LUZP2: variants seen among roughly 807,000 people sequenced by gnomAD.
The protein encoded by LUZP2 is leucine zipper protein 2.
A neutral mutation model predicts 51.6 loss-of-function variants in LUZP2; 52 were observed. That is an observed-to-expected ratio of 1.01 (90% CI 0.81 to 1.27). The LOEUF (loss-of-function observed/expected upper bound fraction) is 1.27, where lower values mean the gene tolerates loss of function less well. LUZP2 is among the 50% of genes most tolerant of loss of function. LUZP2 has a pLI of 0.00. For synonymous variants in LUZP2, 154 were observed against 137.3 expected, an observed-to-expected ratio of 1.12 and a Z score of -0.85; for missense variants, 436 against 395.4, an observed-to-expected ratio of 1.10 and a Z score of -0.87.
chr11:24,559,480 A>C (rs1851968404), intron 1 of LUZP2, among the ~76,000 whole-genome samples: 1 of 152,188 alleles, frequency 6.6e-6, no homozygotes, highest in South Asian at 2.1e-4. Context: ...CCCTTTTATG[A>C]CTACCAATAA....
chr11:25,022,298 T>A (rs1284318458), intron 9 of LUZP2, among the ~76,000 whole-genome samples: 1 of 152,084 alleles, frequency 6.6e-6, no homozygotes, highest in Non-Finnish European at 1.5e-5. Context: ...TCCACCAGAC[T>A]GGGTATTCCA....
chr11:24,751,006 A>G (rs1420765885), intron 4 of LUZP2, among the ~76,000 whole-genome samples: 1 of 152,196 alleles, frequency 6.6e-6, no homozygotes, highest in Non-Finnish European at 1.5e-5. Context: ...CTTACAGCTT[A>G]TCATTCATTC....
At chr11:24,692,120 A>T (rs1857090603) in intron 1 of LUZP2, among the ~76,000 whole-genome samples, 1 of 151,548 alleles carries the variant, frequency 6.6e-6, no homozygotes, top group East Asian at 1.9e-4. Flanking sequence ...ATTTCTTGAT[A>T]TTCACTATCA....
intron 9 of LUZP2, among the ~76,000 whole-genome samples, chr11:25,002,472 C>T (rs773919915): frequency 6.6e-6 from 1 of 152,134 alleles, no homozygotes; most frequent in African/African-American, 2.4e-5. Flanking sequence ...AGGAATAGCA[C>T]CTGGTATCTA....
chr11:24,591,159 T>C (rs555034073), intron 1 of LUZP2, among the ~76,000 whole-genome samples: 1 of 152,262 alleles, frequency 6.6e-6, no homozygotes, highest in African/African-American at 2.4e-5. Flanking sequence ...ACAATATCCT[T>C]AGTTCTTCAT....
intron 3 of LUZP2, among the ~76,000 whole-genome samples, chr11:24,735,519 A>G (rs1192547114): frequency 6.6e-6 from 1 of 151,904 alleles, no homozygotes; most frequent in Non-Finnish European, 1.5e-5. Context: ...GCACTTTACA[A>G]TAATGTTCTC....
rs113568463 is a variant in LUZP2 at position 24,838,795 on chromosome 11, G to A, written c.397-67196G>A. Among the ~76,000 whole-genome samples, 1,084 of 151,732 alleles carry A rather than the reference G, an allele frequency of 7.1e-3. 13 individuals are homozygous for A. The highest frequency in any genetic ancestry group is 0.025 in the African/African-American group (1,022 of 41,496). On this transcript the variant is annotated intron_variant, in intron 5 of 11. Coordinates refer to ENST00000336930, the MANE Select transcript of LUZP2 (RefSeq NM_001009909.4). ...TTGGGACCACTGGCACTTTGAGCAT[G>A]ATGAAAGATCTGGACTCTCTCCTTG...
At chr11:24,623,405 T>C (rs961585293) in intron 1 of LUZP2, among the ~76,000 whole-genome samples, 7 of 152,200 alleles carry the variant, frequency 4.6e-5, no homozygotes, top group African/African-American at 7.2e-5. Flanking sequence ...TTTTTGTCAT[T>C]TTTTTGATAT....
intron 9 of LUZP2, among the ~76,000 whole-genome samples, chr11:25,012,476 A>T (rs1394088450): frequency 6.6e-6 from 1 of 152,096 alleles, no homozygotes; most frequent in Non-Finnish European, 1.5e-5. Context: ...ATGCATTTTT[A>T]CTTCCTTCTT....
intron 1 of LUZP2, among the ~76,000 whole-genome samples, chr11:24,617,549 C>T (rs762604544): frequency 2.0e-5 from 3 of 152,064 alleles, no homozygotes; most frequent in African/African-American, 4.8e-5. Flanking sequence ...GGCCGGGGGC[C>T]GTGGCTCACG....
At chr11:24,662,650 T>A (rs2133985064) in intron 1 of LUZP2, among the ~76,000 whole-genome samples, 1 of 152,194 alleles carries the variant, frequency 6.6e-6, no homozygotes, top group South Asian at 2.1e-4. Context: ...CTTCATAAAT[T>A]AAGAATTCAT....
intron 1 of LUZP2, among the ~76,000 whole-genome samples, chr11:24,535,801 C>T (rs1334152901): frequency 6.6e-6 from 1 of 151,666 alleles, no homozygotes; most frequent in Non-Finnish European, 1.5e-5. Flanking sequence ...TACAAATGTT[C>T]TTAATGGCAT....
chr11:24,705,090 C>CT (rs1419327988), intron 1 of LUZP2, among the ~76,000 whole-genome samples: 3 of 151,446 alleles, frequency 2.0e-5, no homozygotes, highest in Admixed American at 6.6e-5. Flanking sequence ...TTTTTTCATT[C>CT]TTTTTTTTCT....
In LUZP2 at chr11:24,768,937, G is replaced by A. The variant is rs1860296445; in HGVS notation, c.396+5629G>A. Among the ~76,000 whole-genome samples the A allele has an allele frequency of 2.0e-5, 3 of 152,184 alleles. No individual in the cohort carries two copies. In the South Asian group the frequency reaches 6.2e-4, roughly 31 times the overall value. ...AATGAAATCAATATGTTGAAGAGAT[G>A]TCTGCACACTCATGTTTATTGCAGC... is the stretch of plus-strand genomic sequence containing the variant. On this transcript the variant is annotated intron_variant, in intron 5 of 11. Coordinates refer to ENST00000336930, the MANE Select transcript of LUZP2 (RefSeq NM_001009909.4).
chr11:24,500,494 G>GCAGTAATTC (rs1420438372), intron 1 of LUZP2, among the ~76,000 whole-genome samples: 1 of 152,158 alleles, frequency 6.6e-6, no homozygotes, highest in Non-Finnish European at 1.5e-5. Context: ...TCCAAGGTAG[G>GCAGTAATTC]CAGTAATTCA....
At chr11:24,525,180 T>G (rs1050630226) in intron 1 of LUZP2, among the ~76,000 whole-genome samples, 11 of 151,668 alleles carry the variant, frequency 7.3e-5, no homozygotes, top group African/African-American at 2.7e-4. Flanking sequence ...TCCTGCTCAG[T>G]CTGAAACACT....
intron 10 of LUZP2, among the ~76,000 whole-genome samples, chr11:25,056,135 C>T (rs1323365363): frequency 3.9e-5 from 6 of 152,152 alleles, no homozygotes; most frequent in Admixed American, 3.9e-4. Flanking sequence ...TAGTGAGTAG[C>T]CTTATTCAGT....
intron 7 of LUZP2, among the ~76,000 whole-genome samples, chr11:24,972,073 T>C (rs111353922): frequency 7.8e-6 from 1 of 127,430 alleles, no homozygotes; most frequent in African/African-American, 3.1e-5. Context: ...ACCCAGGAGG[T>C]GGAGTTGCAG....
At chr11:24,771,204 T>C (rs1323022803) in intron 5 of LUZP2, among the ~76,000 whole-genome samples, 1 of 151,598 alleles carries the variant, frequency 6.6e-6, no homozygotes, top group Non-Finnish European at 1.5e-5. Context: ...CCTCATAAAT[T>C]AGTAACCTGT....
Sources: gnomAD v4.1 joint callset for allele counts (sites outside exome capture counted in the v4.1 genomes callset) on GRCh38, gnomAD v4.1.1 for gene constraint, MANE v1.5 for transcripts, NCBI Gene and HGNC (gene_info 2026-07-23, HGNC 2026-07-21) for gene names.